RASAL2: variants seen among roughly 807,000 people sequenced by gnomAD.
The protein encoded by RASAL2 is RAS protein activator like 2, also known as ras GTPase-activating protein nGAP.
Under a neutral mutation model 128.9 loss-of-function variants are expected in RASAL2, and 58 were observed. That is an observed-to-expected ratio of 0.45 (90% CI 0.36 to 0.56). The LOEUF (loss-of-function observed/expected upper bound fraction) is 0.56, where lower values mean the gene tolerates loss of function less well. Ranked by LOEUF, RASAL2 falls within the 20% of genes least tolerant of loss-of-function variation. RASAL2 has a pLI of 0.00. For missense variants in RASAL2, 1,360 were observed against 1,601.6 expected, an observed-to-expected ratio of 0.85 and a Z score of 2.57; for synonymous variants, 561 against 580.8, an observed-to-expected ratio of 0.97 and a Z score of 0.49.
intron 1 of RASAL2, among the ~76,000 whole-genome samples, chr1:178,155,928 C>T (rs1661069920): frequency 6.6e-6 from 1 of 152,118 alleles, no homozygotes; most frequent in East Asian, 1.9e-4. Flanking sequence ...TTATAGTTTC[C>T]AGAAACCTGT....
intron 4 of RASAL2, chr1:178,411,522 AT>A: frequency 1.7e-6 from 1 of 572,552 alleles, no homozygotes; most frequent in Non-Finnish European, 3.2e-6. Context: ...GCAATCAGAC[AT>A]GACCTATTCC....
intron 1 of RASAL2, among the ~76,000 whole-genome samples, chr1:178,122,754 CAAGGGA>C (rs1659762830): frequency 6.6e-6 from 1 of 151,004 alleles, no homozygotes; most frequent in Non-Finnish European, 1.5e-5. Context: ...GTTTTTTTCA[CAAGGGA>C]AAGATTAATG....
At chr1:178,319,055 C>A (rs1270485107) in intron 3 of RASAL2, among the ~76,000 whole-genome samples, 1 of 152,066 alleles carries the variant, frequency 6.6e-6, no homozygotes, top group Non-Finnish European at 1.5e-5. Flanking sequence ...ACTTATGAAG[C>A]TTAGTTTGGC....
At chr1:178,271,339 C>T (rs1182979348) in intron 1 of RASAL2, among the ~76,000 whole-genome samples, 1 of 152,176 alleles carries the variant, frequency 6.6e-6, no homozygotes, top group Non-Finnish European at 1.5e-5. Flanking sequence ...TCCGTTCTCA[C>T]TACTTTTGTG....
intron 1 of RASAL2, among the ~76,000 whole-genome samples, chr1:178,260,309 G>A (rs1280872680): frequency 7.8e-6 from 1 of 128,372 alleles, no homozygotes; most frequent in Non-Finnish European, 1.6e-5. Context: ...CCGAGATCAC[G>A]CCACTGCACT....
rs557796125 is a variant in RASAL2, at chr1:178,257,193, A to G, written c.203-26371A>G. The stretch of plus-strand genomic sequence containing the variant: ...AAGACTTAGTGTTGTTAAGATGTCA[A>G]CAATACTCACAAAATGGTCCACAGA... On this transcript the variant is annotated intron_variant, in intron 1 of 17. Coordinates refer to ENST00000367649, the MANE Select transcript of RASAL2 (RefSeq NM_170692.4). Among the ~76,000 whole-genome samples, 9 of 152,286 alleles carry G rather than the reference A, an allele frequency of 5.9e-5. No homozygotes were observed. The South Asian group carries it at 1.9e-3, about 32-fold the overall frequency.
At chr1:178,462,812 G>T (rs963923598) in intron 14 of RASAL2, among the ~76,000 whole-genome samples, 1 of 152,128 alleles carries the variant, frequency 6.6e-6, no homozygotes, top group Non-Finnish European at 1.5e-5. Context: ...GTGTGTACGG[G>T]TCTATTTATA....
chr1:178,110,621 C>T (rs145550427), intron 1 of RASAL2, among the ~76,000 whole-genome samples: 2,608 of 110,148 alleles, frequency 0.024, 84 homozygotes, highest in African/African-American at 0.077. Context: ...ACTATATACA[C>T]TATATATAGT....
At chr1:178,386,631 A>C (rs1022009951) in intron 3 of RASAL2, among the ~76,000 whole-genome samples, 2 of 152,222 alleles carry the variant, frequency 1.3e-5, no homozygotes, top group Non-Finnish European at 2.9e-5. Flanking sequence ...TGAAGATGAA[A>C]AATATTATGT....
chr1:178,361,454 A>G (rs979420841), intron 3 of RASAL2, among the ~76,000 whole-genome samples: 1 of 152,178 alleles, frequency 6.6e-6, no homozygotes, highest in Non-Finnish European at 1.5e-5. Flanking sequence ...GTAATAATGT[A>G]TACATTCTCC....
At chr1:178,160,943 T>A (rs540750143) in intron 1 of RASAL2, among the ~76,000 whole-genome samples, 1 of 152,336 alleles carries the variant, frequency 6.6e-6, no homozygotes, top group Non-Finnish European at 1.5e-5. Context: ...CTAATAGTGT[T>A]CCATTTGATT....
At chr1:178,355,961 G>A (rs1343253398) in intron 3 of RASAL2, among the ~76,000 whole-genome samples, 2 of 152,146 alleles carry the variant, frequency 1.3e-5, no homozygotes, top group Non-Finnish European at 2.9e-5. Context: ...ACGAGGTCAG[G>A]AGTTCAAGAT....
chr1:178,465,890 G>A, intron 15 of RASAL2, 30 bp from the exon 16 acceptor site: 1 of 1,447,252 alleles, frequency 6.9e-7, no homozygotes. Context: ...TGTGACTCTA[G>A]TTTTTGTCTC....
chr1:178,472,989 A>G, intron 17 of RASAL2, 86 bp from the exon 18 acceptor site: 1 of 1,471,606 alleles, frequency 6.8e-7, no homozygotes, highest in Non-Finnish European at 9.4e-7. Context: ...ACTGTTTGAG[A>G]GAAAGCACTG....
intron 1 of RASAL2, among the ~76,000 whole-genome samples, chr1:178,196,475 G>C (rs564412271): frequency 6.6e-6 from 1 of 152,182 alleles, no homozygotes; most frequent in Non-Finnish European, 1.5e-5. Context: ...ACCAACCATG[G>C]ATTGAAAATA....
chr1:178,259,464 T>A (rs1665553153), intron 1 of RASAL2, among the ~76,000 whole-genome samples: 1 of 152,234 alleles, frequency 6.6e-6, no homozygotes, highest in Non-Finnish European at 1.5e-5. Context: ...TATCTGTGAA[T>A]AAAGTACAGA....
chr1:178,213,489 C>T (rs1462018328), intron 1 of RASAL2, among the ~76,000 whole-genome samples: 3 of 151,966 alleles, frequency 2.0e-5, no homozygotes, highest in East Asian at 1.9e-4. Flanking sequence ...AAACTGGATA[C>T]GATCAAATGT....
chr1:178,465,339 CTT>C (rs1374387595), intron 15 of RASAL2, among the ~76,000 whole-genome samples: 4 of 152,074 alleles, frequency 2.6e-5, no homozygotes, highest in African/African-American at 9.7e-5. Flanking sequence ...CCATGAAAGT[CTT>C]ATTGATTCAT....
intron 1 of RASAL2, among the ~76,000 whole-genome samples, chr1:178,250,576 AG>A (rs974500678): frequency 1.6e-4 from 24 of 152,168 alleles, no homozygotes; most frequent in Non-Finnish European, 3.1e-4. Context: ...TTTCCAGGAG[AG>A]TAAACAGTGC....
Sources: gnomAD v4.1 joint callset for allele counts (sites outside exome capture counted in the v4.1 genomes callset) on GRCh38, gnomAD v4.1.1 for gene constraint, MANE v1.5 for transcripts, NCBI Gene and HGNC (gene_info 2026-07-23, HGNC 2026-07-21) for gene names.